LASP1: variants seen among roughly 807,000 people sequenced by gnomAD.
LASP1 encodes the protein LIM and SH3 protein 1.
A neutral mutation model predicts 38.6 loss-of-function variants in LASP1; 10 were observed. The observed-to-expected ratio is 0.26, with a 90% CI of 0.16 to 0.44. LASP1 has a LOEUF of 0.44. LASP1 is among the 20% of genes least tolerant of loss of function. The pLI is 1.00. For synonymous variants in LASP1, 132 were observed against 140.8 expected, an observed-to-expected ratio of 0.94 and a Z score of 0.44; for missense variants, 243 against 375.7, an observed-to-expected ratio of 0.65 and a Z score of 2.92.
intron 1 of LASP1, among the ~76,000 whole-genome samples, chr17:38,873,245 G>A (rs1213507887): frequency 1.3e-5 from 2 of 152,104 alleles, no homozygotes; most frequent in Non-Finnish European, 2.9e-5. Context: ...ACTCGAGGGG[G>A]TTGAAGTCCT....
chr17:38,910,802 G>T (rs569069779), intron 4 of LASP1, among the ~76,000 whole-genome samples: 1 of 147,406 alleles, frequency 6.8e-6, no homozygotes, highest in South Asian at 2.1e-4. Flanking sequence ...GGCTCACTGC[G>T]ACCTCCGCCT....
chr17:38,903,704 A>T (rs1277736730), intron 4 of LASP1: 3 of 152,336 alleles, frequency 2.0e-5, no homozygotes, highest in Non-Finnish European at 4.4e-5. Context: ...TGTCAATGTT[A>T]TCAATACTTT....
At position 38,894,489 on chromosome 17, in the gene LASP1, G is replaced by T. The variant is rs113040747; in HGVS notation, c.250-3923G>T. Reference sequence around the variant, plus strand: ...CTTAACCTCTGTGCACAGTGCCTTCGTCTGAATAATGTGGATTACCTCTCT... The same window carrying T: ...CTTAACCTCTGTGCACAGTGCCTTCTTCTGAATAATGTGGATTACCTCTCT... On this transcript the variant is annotated intron_variant, in intron 3 of 6. Transcript: ENST00000318008. Among the ~76,000 whole-genome samples, 6 of 152,240 alleles carry T rather than the reference G, an allele frequency of 3.9e-5. No homozygotes were observed. In the East Asian group the frequency reaches 1.2e-3, roughly 29 times the overall value.
intron 6 of LASP1, among the ~76,000 whole-genome samples, chr17:38,917,502 G>A (rs1201418102): frequency 6.6e-6 from 1 of 151,788 alleles, no homozygotes; most frequent in Non-Finnish European, 1.5e-5. Flanking sequence ...GGGCTTAAGC[G>A]GCAGATTTTG....
chr17:38,917,174 C>T (rs953220217), intron 6 of LASP1, among the ~76,000 whole-genome samples: 2 of 152,206 alleles, frequency 1.3e-5, no homozygotes, highest in South Asian at 2.1e-4. Flanking sequence ...GCAGGGAGAC[C>T]GTCAGGAGGC....
chr17:38,908,093 T>C (rs1373560033), intron 4 of LASP1, among the ~76,000 whole-genome samples: 2 of 152,162 alleles, frequency 1.3e-5, no homozygotes, highest in Admixed American at 1.3e-4. Context: ...TGTCACCCCA[T>C]CGCTAATGCA....
chr17:38,876,804 G>A (rs908157917), intron 1 of LASP1, among the ~76,000 whole-genome samples: 4 of 150,606 alleles, frequency 2.7e-5, no homozygotes, highest in African/African-American at 4.9e-5. Context: ...CTGGGTTCAC[G>A]CCATTCTCCT....
chr17:38,888,992 C>T (rs2143764520), intron 2 of LASP1, among the ~76,000 whole-genome samples: 1 of 152,346 alleles, frequency 6.6e-6, no homozygotes, highest in African/African-American at 2.4e-5. Context: ...GTTGTTTAAC[C>T]TCTCTGGCCT....
intron 4 of LASP1, among the ~76,000 whole-genome samples, chr17:38,910,203 T>C (rs534656126): frequency 5.9e-5 from 9 of 152,320 alleles, no homozygotes; most frequent in Admixed American, 3.3e-4. Context: ...CGTCAGAATA[T>C]TTTGGCAAAC....
intron 3 of LASP1, among the ~76,000 whole-genome samples, chr17:38,893,551 G>C (rs1274024402): frequency 6.6e-6 from 1 of 152,166 alleles, no homozygotes; most frequent in Non-Finnish European, 1.5e-5. Flanking sequence ...GGGGTTGGGG[G>C]CTGAGGGCAG....
intron 5 of LASP1, 94 bp downstream of exon 5, chr17:38,914,569 C>A: frequency 7.1e-7 from 1 of 1,413,400 alleles, no homozygotes; most frequent in South Asian, 1.4e-5. Context: ...ATACACCTTC[C>A]GGAGCCTTGC....
rs974946664 is a variant in LASP1 at position 38,921,351 on chromosome 17, C to T, written c.*2573C>T. On this transcript the variant is annotated 3_prime_UTR_variant, in exon 7 of 7. Transcript: ENST00000318008. ...CCCAGTGGTGAGGAAAGTGCGTTCT[C>T]CCAGCACTGCCTCCTGTTTTCTCCC... 2 of 232,438 alleles carry T rather than the reference C, an allele frequency of 8.6e-6. No homozygotes were observed. The highest frequency in any genetic ancestry group is 1.7e-5 in the Non-Finnish European group (2 of 117,324). The allele number at this position is 232,438 out of a possible 1,614,324, so 14.4% of individuals were successfully genotyped here.
intron 2 of LASP1, among the ~76,000 whole-genome samples, chr17:38,880,373 G>A (rs1444299912): frequency 3.3e-5 from 5 of 152,358 alleles, no homozygotes; most frequent in Middle Eastern, 3.4e-3. Flanking sequence ...ACAAGGTTGG[G>A]TGGAGGGCTC....
chr17:38,886,558 C>T (rs140095731), intron 2 of LASP1, among the ~76,000 whole-genome samples: 18 of 152,170 alleles, frequency 1.2e-4, no homozygotes, highest in African/African-American at 2.4e-4. Flanking sequence ...CTCCAGCTGT[C>T]GGGGGCTGAG....
chr17:38,893,941 C>T (rs1463501208), intron 3 of LASP1, among the ~76,000 whole-genome samples: 5 of 152,248 alleles, frequency 3.3e-5, no homozygotes, highest in Admixed American at 6.5e-5. Context: ...GCCTGCCTTG[C>T]CCTTCCCTGT....
chr17:38,904,234 G>A (rs1360851118), intron 4 of LASP1, among the ~76,000 whole-genome samples: 1 of 152,044 alleles, frequency 6.6e-6, no homozygotes, highest in Non-Finnish European at 1.5e-5. Context: ...ATTTAATTAT[G>A]AGGGAACCAG....
At chr17:38,876,831 T>A (rs1416015973) in intron 1 of LASP1, among the ~76,000 whole-genome samples, 1 of 151,846 alleles carries the variant, frequency 6.6e-6, no homozygotes, top group African/African-American at 2.4e-5. Context: ...GCCTCCCAAG[T>A]AGCTGGGACT....
In LASP1 at chr17:38,890,290, T is replaced by C. The variant is rs574961304; in HGVS notation, c.165-130T>C. On this transcript the variant is annotated intron_variant, in intron 2 of 6. Transcript: ENST00000318008. Reference sequence around the variant, plus strand: ...GCCTTGGTGGTGGACACTGAAGTCCTCCTGTGGGGCCGGGCCAGGGCGTGC... The same window carrying C: ...GCCTTGGTGGTGGACACTGAAGTCCCCCTGTGGGGCCGGGCCAGGGCGTGC... 10 of 753,558 alleles carry C rather than the reference T, an allele frequency of 1.3e-5. No individual in the cohort carries two copies. In the South Asian group the frequency reaches 1.6e-4, roughly 12 times the overall value. 46.7% of individuals were successfully genotyped at this position (753,558 alleles called of 1,614,324 possible).
intron 1 of LASP1, among the ~76,000 whole-genome samples, chr17:38,876,299 C>T (rs1238363103): frequency 3.3e-5 from 5 of 151,744 alleles, no homozygotes; most frequent in Admixed American, 6.6e-5. Context: ...TTGCCTCAGC[C>T]TCCCAAGTAG....
Sources: gnomAD v4.1 joint callset for allele counts (sites outside exome capture counted in the v4.1 genomes callset) on GRCh38, gnomAD v4.1.1 for gene constraint, MANE v1.5 for transcripts, NCBI Gene and HGNC (gene_info 2026-07-23, HGNC 2026-07-21) for gene names.